The following PCDH9 variants were observed in gnomAD, a reference collection of about 807,000 sequenced individuals.
The protein encoded by PCDH9 is protocadherin 9, also known as protocadherin-9.
PCDH9 carries 24 observed loss-of-function variants against 70.6 expected under a neutral mutation model. The ratio of observed to expected loss-of-function variants is 0.34; its 90% CI spans 0.25 to 0.48. The LOEUF (loss-of-function observed/expected upper bound fraction) is 0.48, where lower values mean the gene tolerates loss of function less well. Among genes scored for constraint, PCDH9 ranks in the 20% least tolerant of loss-of-function variants. The probability of loss-of-function intolerance (pLI) is 0.99; values close to 1 mark genes in which losing one functional copy is unlikely to be tolerated. For synonymous variants in PCDH9, 562 were observed against 558.5 expected, an observed-to-expected ratio of 1.01 and a Z score of -0.09; for missense variants, 1,281 against 1,503.6, an observed-to-expected ratio of 0.85 and a Z score of 2.45.
chr13:66,546,701 C>T (rs991698407), intron 4 of PCDH9, among the ~76,000 whole-genome samples: 8 of 152,088 alleles, frequency 5.3e-5, no homozygotes, highest in Non-Finnish European at 7.4e-5. Context: ...TGGGCTTTCC[C>T]GCTCACTGCT....
chr13:66,518,861 A>G (rs140627735), intron 4 of PCDH9, among the ~76,000 whole-genome samples: 9 of 152,306 alleles, frequency 5.9e-5, no homozygotes, highest in African/African-American at 2.2e-4. Context: ...AAACGCATGA[A>G]TTAACACCAG....
chr13:66,860,822 C>A (rs951229417), intron 3 of PCDH9, among the ~76,000 whole-genome samples: 10 of 152,286 alleles, frequency 6.6e-5, no homozygotes, highest in Non-Finnish European at 8.8e-5. Context: ...CTGAAAGAAG[C>A]AGTTTGGCAT....
intron 2 of PCDH9, among the ~76,000 whole-genome samples, chr13:66,968,032 T>C (rs2083459306): frequency 6.6e-6 from 1 of 152,032 alleles, no homozygotes; most frequent in African/African-American, 2.4e-5. Flanking sequence ...AGCATTCCAT[T>C]TTTAGCAGTT....
At chr13:66,757,787 A>T (rs1224058578) in intron 3 of PCDH9, among the ~76,000 whole-genome samples, 1 of 152,086 alleles carries the variant, frequency 6.6e-6, no homozygotes, top group Non-Finnish European at 1.5e-5. Flanking sequence ...AATTAAACCA[A>T]AGTTTGATGT....
intron 3 of PCDH9, among the ~76,000 whole-genome samples, chr13:66,733,847 G>A (rs2079108664): frequency 6.6e-6 from 1 of 152,014 alleles, no homozygotes; most frequent in African/African-American, 2.4e-5. Context: ...ACTTTACTGA[G>A]TTCTTATGAA....
intron 2 of PCDH9, among the ~76,000 whole-genome samples, chr13:67,197,918 A>C (rs1288332907): frequency 6.6e-6 from 1 of 151,798 alleles, no homozygotes; most frequent in African/African-American, 2.4e-5. Flanking sequence ...ATTCTATATA[A>C]GACATGAACT....
intron 3 of PCDH9, among the ~76,000 whole-genome samples, chr13:66,779,815 A>ATCTCTC (rs1225450927): frequency 0.017 from 1,731 of 100,866 alleles, 47 homozygotes; most frequent in East Asian, 0.054. Flanking sequence ...GCGAGACTCC[A>ATCTCTC]TCTCTCTCTC....
At chr13:66,312,361 A>C (rs1250278294) in intron 4 of PCDH9, among the ~76,000 whole-genome samples, 1 of 152,208 alleles carries the variant, frequency 6.6e-6, no homozygotes, top group African/African-American at 2.4e-5. Flanking sequence ...TATTGTTCAG[A>C]TAGATTAGGC....
chr13:66,926,727 C>A (rs1368391091), intron 2 of PCDH9, among the ~76,000 whole-genome samples: 1 of 152,058 alleles, frequency 6.6e-6, no homozygotes, highest in Non-Finnish European at 1.5e-5. Context: ...AGGTTTCAGT[C>A]TAATTCCACA....
intron 4 of PCDH9, among the ~76,000 whole-genome samples, chr13:66,519,360 C>T (rs917579247): frequency 2.6e-5 from 4 of 152,026 alleles, no homozygotes; most frequent in Non-Finnish European, 4.4e-5. Flanking sequence ...CACCATTAAT[C>T]GGGTTATGCA....
At chr13:66,639,380 A>AT (rs1347962003) in intron 3 of PCDH9, among the ~76,000 whole-genome samples, 2 of 152,118 alleles carry the variant, frequency 1.3e-5, no homozygotes, top group Non-Finnish European at 2.9e-5. Context: ...AAGGATCTGT[A>AT]TTTTTTCTGG....
At chr13:67,167,557 G>A (rs2088154053) in intron 2 of PCDH9, among the ~76,000 whole-genome samples, 1 of 151,974 alleles carries the variant, frequency 6.6e-6, no homozygotes. Context: ...TAACTCATTT[G>A]CTTTAAGTCA....
At chr13:66,616,009 T>C (rs2077351159) in intron 4 of PCDH9, among the ~76,000 whole-genome samples, 2 of 152,240 alleles carry the variant, frequency 1.3e-5, no homozygotes, top group South Asian at 4.1e-4. Context: ...TGGAAGGCTA[T>C]TCTGCCCTTT....
chr13:66,694,807 TTATGTGCA>T (rs912492432), intron 3 of PCDH9, among the ~76,000 whole-genome samples: 30 of 152,100 alleles, frequency 2.0e-4, no homozygotes, highest in African/African-American at 7.2e-4. Flanking sequence ...TTCAGAAACT[TTATGTGCA>T]TATCCAAGCA....
At chr13:67,055,883 T>C (rs532015172) in intron 2 of PCDH9, among the ~76,000 whole-genome samples, 22 of 152,254 alleles carry the variant, frequency 1.4e-4, no homozygotes, top group African/African-American at 5.1e-4. Flanking sequence ...CCAGGGACGG[T>C]GGCTTAAGCC....
rs150511791 is a variant in PCDH9 at position 67,130,232 on chromosome 13, A to T, written c.3036+95173T>A. 3.8e-3 allele frequency among the ~76,000 whole-genome samples: 586 copies of T among 152,290 alleles called. 5 individuals carry two copies. Among genetic ancestry groups the T allele is most frequent in the Non-Finnish European group, 6.2e-3 (421 of 68,032 alleles). ...AGTCACTTAGCTCTTCAGTAAAGGG[A>T]TTATTTCAATGTATTTCTGATACCA... is the stretch of plus-strand genomic sequence containing the variant. On this transcript the variant is annotated intron_variant, in intron 2 of 4. Coordinates refer to ENST00000377865, the MANE Select transcript of PCDH9 (RefSeq NM_203487.3).
At chr13:66,962,591 G>T (rs1293167258) in intron 2 of PCDH9, among the ~76,000 whole-genome samples, 1 of 152,162 alleles carries the variant, frequency 6.6e-6, no homozygotes, top group African/African-American at 2.4e-5. Context: ...AATACTGGAG[G>T]CAATCATAAC....
chr13:67,101,894 T>C (rs1236037297), intron 2 of PCDH9, among the ~76,000 whole-genome samples: 1 of 152,178 alleles, frequency 6.6e-6, no homozygotes, highest in Non-Finnish European at 1.5e-5. Context: ...TGGAATGGAA[T>C]GGCATTATGC....
intron 4 of PCDH9, among the ~76,000 whole-genome samples, chr13:66,430,843 G>A (rs188784272): frequency 6.6e-6 from 1 of 152,158 alleles, no homozygotes. Context: ...TCTGTAGTGT[G>A]GGTATAAAAG....
Sources: gnomAD v4.1 joint callset for allele counts (sites outside exome capture counted in the v4.1 genomes callset) on GRCh38, gnomAD v4.1.1 for gene constraint, MANE v1.5 for transcripts, NCBI Gene and HGNC (gene_info 2026-07-23, HGNC 2026-07-21) for gene names.